The following ASTN2 variants were observed in gnomAD, a reference collection of about 807,000 sequenced individuals.
The protein encoded by ASTN2 is astrotactin 2.
ASTN2 carries 54 observed loss-of-function variants against 139.8 expected under a neutral mutation model. The observed-to-expected ratio is 0.39, with a 90% CI of 0.31 to 0.48. The LOEUF is 0.48. ASTN2 is among the 20% of genes least tolerant of loss of function. The probability of loss-of-function intolerance (pLI) is 0.95; values close to 1 mark genes in which losing one functional copy is unlikely to be tolerated. For missense variants in ASTN2, 1,565 were observed against 1,725.1 expected (o/e 0.91, Z 1.64); for synonymous variants, 756 against 719.5 (o/e 1.05, Z -0.81).
intron 20 of ASTN2, among the ~76,000 whole-genome samples, chr9:116,477,404 C>T (rs1208243771): frequency 6.6e-6 from 1 of 151,994 alleles, no homozygotes; most frequent in Non-Finnish European, 1.5e-5. Context: ...GACTGGACAC[C>T]ACAGCCAAGG....
intron 5 of ASTN2, among the ~76,000 whole-genome samples, chr9:117,050,399 A>G (rs1587904710): frequency 1.3e-5 from 2 of 152,082 alleles, no homozygotes; most frequent in South Asian, 4.1e-4. Context: ...AGTATTTACT[A>G]GGCCTCCTGT....
At chr9:117,074,929 C>T (rs760004386) in intron 5 of ASTN2, among the ~76,000 whole-genome samples, 1 of 144,574 alleles carries the variant, frequency 6.9e-6, no homozygotes, top group Admixed American at 6.9e-5. Context: ...GAGTAAGCAG[C>T]GAAGTCATGA....
chr9:116,867,549 C>CAAAAA (rs58222492), intron 10 of ASTN2, among the ~76,000 whole-genome samples: 1 of 78,298 alleles, frequency 1.3e-5, no homozygotes, highest in East Asian at 4.2e-4. Context: ...GACTCTGTCT[C>CAAAAA]AAAAAAAAAA....
chr9:117,365,127 C>T (rs1234163721), intron 1 of ASTN2, among the ~76,000 whole-genome samples: 1 of 150,658 alleles, frequency 6.6e-6, no homozygotes, highest in African/African-American at 2.4e-5. Context: ...CCAGCCTGGG[C>T]ACTGGAGCAA....
chr9:116,993,420 A>G (rs1836915576), intron 7 of ASTN2, among the ~76,000 whole-genome samples: 1 of 151,502 alleles, frequency 6.6e-6, no homozygotes, highest in African/African-American at 2.4e-5. Context: ...ATTTGCAACC[A>G]TTTCTGCAAC....
chr9:116,805,382 G>T (rs1466732586), intron 13 of ASTN2, among the ~76,000 whole-genome samples: 1 of 152,080 alleles, frequency 6.6e-6, no homozygotes, highest in East Asian at 1.9e-4. Context: ...ATTTAAGATT[G>T]AATTTAAAAT....
At chr9:117,141,562 C>T (rs1223884733) in intron 3 of ASTN2, 84 bp from the exon 4 acceptor site, 1 of 1,240,356 alleles carries the variant, frequency 8.1e-7, no homozygotes, top group Non-Finnish European at 1.0e-6. Context: ...AGGGCTTGAG[C>T]CCACCTTCAG....
chr9:116,666,014 C>T (rs1438905981), intron 16 of ASTN2, among the ~76,000 whole-genome samples: 1 of 152,148 alleles, frequency 6.6e-6, no homozygotes, highest in Non-Finnish European at 1.5e-5. Flanking sequence ...TATGGAAATA[C>T]TGCAGGTAAT....
At chr9:116,716,327 C>G (rs931252115) in intron 16 of ASTN2, among the ~76,000 whole-genome samples, 2 of 152,168 alleles carry the variant, frequency 1.3e-5, no homozygotes, top group Non-Finnish European at 2.9e-5. Context: ...GTCTGCCAAT[C>G]AAAGACTCTG....
At chr9:116,694,274 G>A (rs957914353) in intron 16 of ASTN2, among the ~76,000 whole-genome samples, 1 of 152,102 alleles carries the variant, frequency 6.6e-6, no homozygotes, top group African/African-American at 2.4e-5. Flanking sequence ...TGGCAGCCTT[G>A]TTTAATAAAC....
intron 16 of ASTN2, among the ~76,000 whole-genome samples, chr9:116,672,724 T>G (rs1183939216): frequency 1.3e-5 from 2 of 152,156 alleles, no homozygotes; most frequent in African/African-American, 4.8e-5. Flanking sequence ...TTGTCCAAAG[T>G]TATAGAACTT....
chr9:116,451,511 T>C (rs1231072199), intron 20 of ASTN2, among the ~76,000 whole-genome samples: 2 of 151,858 alleles, frequency 1.3e-5, no homozygotes, highest in African/African-American at 2.4e-5. Context: ...AGAGAGATGG[T>C]CAAATGAACA....
At chr9:116,992,860 T>A (rs1564374572) in intron 7 of ASTN2, among the ~76,000 whole-genome samples, 1 of 152,208 alleles carries the variant, frequency 6.6e-6, no homozygotes, top group East Asian at 1.9e-4. Flanking sequence ...ACATAAGTGA[T>A]GCACACTAAA....
chr9:116,684,039 G>C (rs960417825), intron 16 of ASTN2, among the ~76,000 whole-genome samples: 2 of 152,186 alleles, frequency 1.3e-5, no homozygotes, highest in Admixed American at 1.3e-4. Context: ...CCTGTGGTAA[G>C]TAAAGAATGT....
rs140316941 is a variant in ASTN2 at position 117,053,218 on chromosome 9, G to A, written c.1277-13253C>T. The stretch of plus-strand genomic sequence containing the variant: ...TGCAATCCCAGTGCTTTGTGAGGCC[G>A]AGGCAGGAAGATTGTTAGAGGTCAG... On this transcript the variant is annotated intron_variant, in intron 5 of 22. Coordinates refer to ENST00000313400, the MANE Select transcript of ASTN2 (RefSeq NM_001365068.1). Among the ~76,000 whole-genome samples the A allele has an allele frequency of 1.8e-3, 270 of 152,220 alleles. 2 individuals carry two copies. Among genetic ancestry groups the A allele is most frequent in the African/African-American group, 6.1e-3 (253 of 41,536 alleles).
intron 4 of ASTN2, among the ~76,000 whole-genome samples, chr9:117,102,124 C>A (rs1206663421): frequency 6.6e-6 from 1 of 152,100 alleles, no homozygotes; most frequent in Non-Finnish European, 1.5e-5. Flanking sequence ...TCAAAGGGTA[C>A]AAACGACCCA....
At chr9:117,193,166 TC>T (rs1434821459) in intron 3 of ASTN2, among the ~76,000 whole-genome samples, 1 of 152,028 alleles carries the variant, frequency 6.6e-6, no homozygotes, top group Non-Finnish European at 1.5e-5. Context: ...CAATCCTGTC[TC>T]CCCCTGTGGC....
chr9:116,707,285 CA>C (rs766053427), intron 16 of ASTN2, among the ~76,000 whole-genome samples: 3,484 of 60,430 alleles, frequency 0.058, 35 homozygotes, highest in East Asian at 0.1. Context: ...GCCCCCTGAC[CA>C]AAAAAAAAAA....
chr9:117,214,854 G>A (rs557758213), intron 2 of ASTN2, 112 bp from the exon 3 acceptor site: 1 of 1,219,976 alleles, frequency 8.2e-7, no homozygotes, highest in Admixed American at 3.5e-5. Context: ...TTGGCTCATA[G>A]AGCCTCAGGA....
Sources: allele counts gnomAD v4.1 joint callset (sites outside exome capture counted in the v4.1 genomes callset), GRCh38; gene constraint gnomAD v4.1.1; transcripts MANE v1.5; gene names NCBI Gene and HGNC (gene_info 2026-07-23, HGNC 2026-07-21).